Variants in REXO5 observed in about 807,000 individuals in gnomAD.
REXO5 encodes the protein exonuclease NEF-sp.
In REXO5, 48 loss-of-function variants were observed where a neutral mutation model predicts 88.5. The ratio of observed to expected loss-of-function variants is 0.54; its 90% confidence interval spans 0.43 to 0.69. The LOEUF is 0.69. Among genes scored for constraint, REXO5 ranks in the 30% least tolerant of loss-of-function variants. REXO5 has a pLI of 0.00. For synonymous variants in REXO5, 311 were observed against 336.5 expected, an observed-to-expected ratio of 0.92 and a Z score of 0.83; for missense variants, 749 against 912.2, an observed-to-expected ratio of 0.82 and a Z score of 2.30.
At position 20,825,756 on chromosome 16, in the gene REXO5, A is replaced by G. The variant is rs2081250514; in HGVS notation, c.706-77A>G. On this transcript the variant is annotated intron_variant, in intron 7 of 19. Transcript: ENST00000261377. ...ACCCTGGTAGATTACAGTAGATGGC[A>G]GTTGACATAGTGTAAATAGTAAGAA... 4 of 982,012 alleles carry G rather than the reference A, an allele frequency of 4.1e-6. No homozygotes were observed. In the East Asian group the frequency reaches 1.0e-4, roughly 25 times the overall value. 60.8% of individuals were successfully genotyped at this position (982,012 alleles called of 1,614,324 possible).
At chr16:20,843,869 C>A in intron 15 of REXO5, 65 bp from the exon 16 acceptor site, 1 of 1,190,526 alleles carries the variant, frequency 8.4e-7, no homozygotes, top group South Asian at 1.3e-5. Context: ...GAATCCTTTC[C>A]CCAACCCCTT....
chr16:20,823,621 G>A (rs1374468092), intron 6 of REXO5: 1 of 152,070 alleles, frequency 6.6e-6, no homozygotes, highest in Admixed American at 6.5e-5. Flanking sequence ...TTTTCATTGC[G>A]ATTAGTTGGA....
chr16:20,832,863 A>C, intron 12 of REXO5, 140 bp from the exon 13 acceptor site: 2 of 711,934 alleles, frequency 2.8e-6, no homozygotes, highest in Non-Finnish European at 2.1e-6. Flanking sequence ...GAGGAACTGA[A>C]TTTTTAATTT....
In REXO5 at chr16:20,845,254, A is replaced by C; in HGVS notation, c.2124+13A>C. ...GGAGGCCTTGCAGGTGAGTGAGTGAAGGCGTCTTGGAGAAGATGTCAGGAG... is the reference window on the plus strand; with the variant it reads ...GGAGGCCTTGCAGGTGAGTGAGTGACGGCGTCTTGGAGAAGATGTCAGGAG... On this transcript the variant is annotated intron_variant, in intron 18 of 19. Coordinates refer to ENST00000261377, the MANE Select transcript of REXO5 (RefSeq NM_030941.3). 1 of 1,609,324 alleles carries C rather than the reference A, an allele frequency of 6.2e-7. No homozygotes were observed.
At chr16:20,806,523 G>A (rs2080878104), upstream of REXO5, 1 of 1,535,276 alleles carries the variant, frequency 6.5e-7, no homozygotes. Flanking sequence ...GCTGAGGGGC[G>A]GTTGTTGTTG....
chr16:20,819,711 C>T (rs1311483749), intron 5 of REXO5, among the ~76,000 whole-genome samples: 9 of 151,022 alleles, frequency 6.0e-5, no homozygotes, highest in African/African-American at 2.2e-4. Context: ...GCCGAGATCG[C>T]GCCATTGCAC....
intron 11 of REXO5, among the ~76,000 whole-genome samples, chr16:20,829,848 G>A (rs1314494792): frequency 6.6e-6 from 1 of 152,178 alleles, no homozygotes; most frequent in African/African-American, 2.4e-5. Context: ...TGTCTTTTCT[G>A]TATACCAGGG....
chr16:20,836,396 G>T (rs2081430345), intron 13 of REXO5, among the ~76,000 whole-genome samples: 2 of 152,022 alleles, frequency 1.3e-5, no homozygotes, highest in Non-Finnish European at 2.9e-5. Context: ...AGCTTTTTCA[G>T]ACTGGCTTCT....
chr16:20,833,464 G>C (rs2081377815), intron 13 of REXO5, among the ~76,000 whole-genome samples: 1 of 152,042 alleles, frequency 6.6e-6, no homozygotes, highest in Non-Finnish European at 1.5e-5. Context: ...TATCATTGCT[G>C]TATGTTAAGT....
chr16:20,846,367 G>T, intron 19 of REXO5, 28 bp downstream of exon 19: 1 of 1,542,290 alleles, frequency 6.5e-7, no homozygotes, highest in South Asian at 1.1e-5. Context: ...TATCCCTTCA[G>T]GACTCTGTCC....
chr16:20,823,831 C>T (rs1430721455), intron 6 of REXO5, among the ~76,000 whole-genome samples: 2 of 152,090 alleles, frequency 1.3e-5, no homozygotes, highest in Non-Finnish European at 2.9e-5. Flanking sequence ...AGAGGGAGTA[C>T]CTTAAATCTA....
At chr16:20,810,099 T>C (rs1470761185) in intron 2 of REXO5, among the ~76,000 whole-genome samples, 1 of 152,218 alleles carries the variant, frequency 6.6e-6, no homozygotes, top group Non-Finnish European at 1.5e-5. Context: ...CAGGCTCATA[T>C]GTGCTTTCCC....
chr16:20,824,489 GC>G lies in REXO5; in HGVS notation c.668del (p.Ala223GlufsTer22). On this transcript the variant is annotated frameshift_variant, in exon 7 of 20. Coordinates refer to ENST00000261377, the MANE Select transcript of REXO5 (RefSeq NM_030941.3). LOFTEE classifies it high-confidence loss of function. Reference sequence around the variant, plus strand: ...ACTTACCAAATGTAATGGTTCTATAGCAGACAATAGTCCTCTCTTTGGACTT... The same window carrying G: ...ACTTACCAAATGTAATGGTTCTATAGAGACAATAGTCCTCTCTTTGGACTT... Reference protein sequence around the residue: ...FLLTKCNGSIADNSPLFGLDC... With the variant: ...FLLTKCNGSIXDNSPLFGLDC... 6.2e-7 allele frequency: 1 copy of G among 1,611,698 alleles called. No individual in the cohort carries two copies. Among genetic ancestry groups the G allele is most frequent in the Non-Finnish European group, 8.5e-7 (1 of 1,178,288 alleles).
At chr16:20,839,966 G>T in intron 14 of REXO5, 107 bp downstream of exon 14, 2 of 709,018 alleles carry the variant, frequency 2.8e-6, no homozygotes, top group African/African-American at 1.8e-5. Context: ...TTTTTCTCTA[G>T]ATTTTTACTA....
At chr16:20,811,886 A>G (rs972516098) in intron 2 of REXO5, among the ~76,000 whole-genome samples, 2 of 152,210 alleles carry the variant, frequency 1.3e-5, no homozygotes, top group African/African-American at 4.8e-5. Context: ...CAATTATTTA[A>G]TGAGATAAAA....
intron 16 of REXO5, 86 bp from the exon 17 acceptor site, chr16:20,844,543 T>C: frequency 8.7e-7 from 1 of 1,152,808 alleles, no homozygotes; most frequent in South Asian, 1.4e-5. Flanking sequence ...AATGAAGTTA[T>C]TAGTAATGGC....
At chr16:20,822,147 A>G (rs767604755) in intron 6 of REXO5, among the ~76,000 whole-genome samples, 1 of 152,220 alleles carries the variant, frequency 6.6e-6, no homozygotes, top group Non-Finnish European at 1.5e-5. Context: ...TTGAAATAAT[A>G]TTTAATAAGA....
At chr16:20,815,102 T>G (rs760022788) in intron 4 of REXO5, 49 bp downstream of exon 4, 1 of 1,579,738 alleles carries the variant, frequency 6.3e-7, no homozygotes, top group African/African-American at 1.4e-5. Context: ...TTTCCCATTC[T>G]GAGACTAATA....
Position 20,825,814 on chromosome 16 carries a change from C to T in REXO5, c.706-19C>T. ...TAACTTCCACAGTTCAGCAGCCTGA[C>T]TACATGTTGGTCTTTCAGTGCCTCA... is the stretch of plus-strand genomic sequence containing the variant. On this transcript the variant is annotated intron_variant, in intron 7 of 19. Transcript: ENST00000261377. The T allele has an allele frequency of 6.4e-7, 1 of 1,557,488 alleles. No homozygotes were observed.
Sources: gnomAD v4.1 joint callset for allele counts (sites outside exome capture counted in the v4.1 genomes callset) on GRCh38, gnomAD v4.1.1 for gene constraint, MANE v1.5 for transcripts, NCBI Gene and HGNC (gene_info 2026-07-23, HGNC 2026-07-21) for gene names.